Variants in CRPPA observed in about 807,000 individuals in gnomAD.
CRPPA encodes the protein D-ribitol-5-phosphate cytidylyltransferase.
Under a neutral mutation model 52.0 loss-of-function variants are expected in CRPPA, and 43 were observed. That is an observed-to-expected ratio of 0.83 (90% CI 0.65 to 1.07). The LOEUF is 1.07. Among genes scored for constraint, CRPPA ranks in the 50% least tolerant of loss-of-function variants. The pLI, the probability that CRPPA is intolerant of heterozygous loss-of-function variation, is 0.00. For missense variants in CRPPA, 629 were observed against 551.7 expected (o/e 1.14, Z -1.40); for synonymous variants, 250 against 203.5 (o/e 1.23, Z -1.94).
chr7:16,145,804 T>C (rs1327130281), intron 9 of CRPPA, among the ~76,000 whole-genome samples: 1 of 152,130 alleles, frequency 6.6e-6, no homozygotes, highest in Non-Finnish European at 1.5e-5. Context: ...AGATTTTTTC[T>C]TTTCCAATTT....
At chr7:16,165,989 A>G (rs1266011702) in intron 9 of CRPPA, among the ~76,000 whole-genome samples, 1 of 152,222 alleles carries the variant, frequency 6.6e-6, no homozygotes, top group African/African-American at 2.4e-5. Flanking sequence ...TCCTTATTTG[A>G]AAGAAAGGAC....
At chr7:16,409,515 G>C (rs1454262143) in intron 1 of CRPPA, among the ~76,000 whole-genome samples, 6 of 152,174 alleles carry the variant, frequency 3.9e-5, no homozygotes, top group Non-Finnish European at 8.8e-5. Context: ...GGTCGCCTGG[G>C]TACCAGGTGG....
intron 1 of CRPPA, among the ~76,000 whole-genome samples, chr7:16,411,379 T>C (rs1267448706): frequency 6.6e-6 from 1 of 151,942 alleles, no homozygotes; most frequent in South Asian, 2.1e-4. Context: ...AGAGAAAAAA[T>C]CATTTTGGAT....
At chr7:16,199,710 T>C (rs1188281693) in intron 9 of CRPPA, among the ~76,000 whole-genome samples, 1 of 152,154 alleles carries the variant, frequency 6.6e-6, no homozygotes, top group Non-Finnish European at 1.5e-5. Flanking sequence ...GAAGTATCTT[T>C]ACACTGGCTA....
intron 3 of CRPPA, among the ~76,000 whole-genome samples, chr7:16,336,308 G>T (rs1380890085): frequency 1.3e-5 from 2 of 152,106 alleles, no homozygotes; most frequent in Non-Finnish European, 2.9e-5. Flanking sequence ...GCAGTAAGTT[G>T]TTAAGAGATA....
chr7:16,149,593 G>A (rs1401096533), intron 9 of CRPPA, among the ~76,000 whole-genome samples: 1 of 152,258 alleles, frequency 6.6e-6, no homozygotes. Flanking sequence ...TATATTTAAA[G>A]AGATATTATG....
intron 2 of CRPPA, among the ~76,000 whole-genome samples, chr7:16,392,222 T>A (rs1787464282): frequency 6.6e-6 from 1 of 152,110 alleles, no homozygotes; most frequent in Non-Finnish European, 1.5e-5. Context: ...ATCCAACAAT[T>A]CACTCTAAGT....
intron 9 of CRPPA, among the ~76,000 whole-genome samples, chr7:16,182,831 C>T (rs2128388091): frequency 6.6e-6 from 1 of 152,252 alleles, no homozygotes; most frequent in South Asian, 2.1e-4. Context: ...CTAACCTGTG[C>T]CCCTCCACTT....
At chr7:16,336,689 C>T (rs1785691394) in intron 3 of CRPPA, among the ~76,000 whole-genome samples, 1 of 151,586 alleles carries the variant, frequency 6.6e-6, no homozygotes, top group Non-Finnish European at 1.5e-5. Flanking sequence ...AACTAAAAGG[C>T]AAAAGTGGTT....
At chr7:16,109,763 C>G (rs959910579) in intron 9 of CRPPA, among the ~76,000 whole-genome samples, 1 of 152,034 alleles carries the variant, frequency 6.6e-6, no homozygotes, top group African/African-American at 2.4e-5. Context: ...AGCATCCTTT[C>G]ATGTTAAAAC....
At chr7:16,112,537 G>A (rs1782287478) in intron 9 of CRPPA, among the ~76,000 whole-genome samples, 1 of 152,028 alleles carries the variant, frequency 6.6e-6, no homozygotes, top group Non-Finnish European at 1.5e-5. Flanking sequence ...GCTTTTAACA[G>A]ACAAGAATGA....
intron 3 of CRPPA, among the ~76,000 whole-genome samples, chr7:16,313,564 C>T (rs1306240318): frequency 1.3e-5 from 2 of 151,834 alleles, no homozygotes; most frequent in Non-Finnish European, 2.9e-5. Flanking sequence ...TTTTTATTTG[C>T]TTTCTTCTGC....
intron 9 of CRPPA, among the ~76,000 whole-genome samples, chr7:16,183,153 GA>G (rs941431429): frequency 9.9e-5 from 15 of 151,532 alleles, no homozygotes; most frequent in African/African-American, 3.6e-4. Flanking sequence ...AAGTGGTAGA[GA>G]AAAAAAACAA....
chr7:16,318,988 A>T (rs764817120), intron 3 of CRPPA, among the ~76,000 whole-genome samples: 4 of 152,144 alleles, frequency 2.6e-5, no homozygotes, highest in Non-Finnish European at 5.9e-5. Context: ...TCCACAGAAG[A>T]CTTTTGTCCT....
chr7:16,110,624 G>T (rs921850312), intron 9 of CRPPA, among the ~76,000 whole-genome samples: 13 of 152,006 alleles, frequency 8.6e-5, no homozygotes, highest in African/African-American at 3.1e-4. Flanking sequence ...AGAGTAGAAA[G>T]CTCAGAAAGG....
intron 8 of CRPPA, among the ~76,000 whole-genome samples, chr7:16,240,173 T>C (rs2128405977): frequency 6.6e-6 from 1 of 151,218 alleles, no homozygotes; most frequent in East Asian, 1.9e-4. Context: ...AATGATTTCA[T>C]CATTCCTCAT....
intron 9 of CRPPA, among the ~76,000 whole-genome samples, chr7:16,142,722 A>C (rs895241222): frequency 6.6e-6 from 1 of 152,222 alleles, no homozygotes; most frequent in African/African-American, 2.4e-5. Context: ...CATGAGAATA[A>C]TATATAATTT....
At chr7:16,333,228 C>T (rs1418766329) in intron 3 of CRPPA, among the ~76,000 whole-genome samples, 1 of 152,024 alleles carries the variant, frequency 6.6e-6, no homozygotes, top group Admixed American at 6.6e-5. Flanking sequence ...AAAACAAAAG[C>T]AATAAAGACA....
intron 9 of CRPPA, among the ~76,000 whole-genome samples, chr7:16,119,046 T>A (rs956141106): frequency 6.6e-6 from 1 of 151,766 alleles, no homozygotes; most frequent in Non-Finnish European, 1.5e-5. Context: ...TCCGAAGGAG[T>A]CTTTCTTGGT....
Sources: allele counts gnomAD v4.1 joint callset (sites outside exome capture counted in the v4.1 genomes callset), GRCh38; gene constraint gnomAD v4.1.1; transcripts MANE v1.5; gene names NCBI Gene and HGNC (gene_info 2026-07-23, HGNC 2026-07-21).